MAP2K1: variants seen among roughly 807,000 people sequenced by gnomAD.
MAP2K1 encodes the protein mitogen-activated protein kinase kinase 1, also known as dual specificity mitogen-activated protein kinase kinase 1.
MAP2K1 carries 16 observed loss-of-function variants against 46.3 expected under a neutral mutation model. That is an observed-to-expected ratio of 0.35 (90% CI 0.23 to 0.52). The LOEUF (loss-of-function observed/expected upper bound fraction) is 0.52. Among genes scored for constraint, MAP2K1 ranks in the 20% least tolerant of loss-of-function variants. MAP2K1 has a pLI of 0.94. For missense variants in MAP2K1, 263 were observed against 497.1 expected (o/e 0.53, Z 4.48); for synonymous variants, 183 against 185.6 (o/e 0.99, Z 0.11).
At chr15:66,422,651 C>T (rs77939976) in intron 1 of MAP2K1, among the ~76,000 whole-genome samples, 2 of 152,090 alleles carry the variant, frequency 1.3e-5, no homozygotes, top group Non-Finnish European at 2.9e-5. Context: ...TTAAGGTTGA[C>T]TTTTTATCTC....
chr15:66,417,846 C>T (rs1310655276), intron 1 of MAP2K1, among the ~76,000 whole-genome samples: 1 of 152,144 alleles, frequency 6.6e-6, no homozygotes, highest in Non-Finnish European at 1.5e-5. Flanking sequence ...GAATTGGAGA[C>T]ATATTTTGAG....
At chr15:66,478,688 C>G (rs1365077048) in intron 5 of MAP2K1, among the ~76,000 whole-genome samples, 3 of 151,768 alleles carry the variant, frequency 2.0e-5, no homozygotes, top group Admixed American at 2.0e-4. Flanking sequence ...TTAGTAAAGA[C>G]AGGGTTTCAC....
intron 5 of MAP2K1, among the ~76,000 whole-genome samples, chr15:66,480,286 C>T (rs563299022): frequency 2.0e-5 from 3 of 152,030 alleles, no homozygotes; most frequent in South Asian, 2.1e-4. Flanking sequence ...ATGGGAGTTA[C>T]GCCATGTTGG....
At chr15:66,395,010 A>G (rs1330655022) in intron 1 of MAP2K1, among the ~76,000 whole-genome samples, 1 of 152,248 alleles carries the variant, frequency 6.6e-6, no homozygotes, top group African/African-American at 2.4e-5. Context: ...GTTTGAATAT[A>G]AACACTCACA....
intron 1 of MAP2K1, among the ~76,000 whole-genome samples, chr15:66,422,435 G>A (rs1415654327): frequency 6.6e-6 from 1 of 152,154 alleles, no homozygotes; most frequent in Non-Finnish European, 1.5e-5. Context: ...TTTCACAGTT[G>A]CTTGAACATT....
At chr15:66,418,003 TTGGACAAAA>T (rs2093428496) in intron 1 of MAP2K1, among the ~76,000 whole-genome samples, 1 of 152,078 alleles carries the variant, frequency 6.6e-6, no homozygotes, top group Non-Finnish European at 1.5e-5. Flanking sequence ...CAACAAAGAA[TTGGACAAAA>T]TGCACAAAGC....
intron 5 of MAP2K1, among the ~76,000 whole-genome samples, chr15:66,452,063 C>T (rs1008393831): frequency 1.2e-5 from 1 of 83,182 alleles, no homozygotes; most frequent in Non-Finnish European, 2.4e-5. Context: ...CGCATATTCT[C>T]ACTCATAGGT....
chr15:66,430,309 C>T (rs2093472095), intron 1 of MAP2K1, among the ~76,000 whole-genome samples: 1 of 152,162 alleles, frequency 6.6e-6, no homozygotes, highest in Non-Finnish European at 1.5e-5. Flanking sequence ...AGAACACCCA[C>T]CTGCACGGGG....
intron 3 of MAP2K1, among the ~76,000 whole-genome samples, chr15:66,439,916 CAA>C (rs1345239275): frequency 8.2e-6 from 1 of 121,748 alleles, no homozygotes; most frequent in Non-Finnish European, 1.7e-5. Context: ...GCCTGGGTGA[CAA>C]GAGCAAAACT....
At chr15:66,420,779 G>GTATA (rs1260059749) in intron 1 of MAP2K1, among the ~76,000 whole-genome samples, 5 of 54,838 alleles carry the variant, frequency 9.1e-5, no homozygotes, top group Admixed American at 4.9e-4. Flanking sequence ...ATATATATGT[G>GTATA]TATATATATG....
chr15:66,461,513 TAATA>T (rs373653308), intron 5 of MAP2K1, among the ~76,000 whole-genome samples: 1,931 of 142,698 alleles, frequency 0.014, 22 homozygotes, highest in Middle Eastern at 0.025. Context: ...AATAAATAAA[TAATA>T]AAATAATAAT....
intron 5 of MAP2K1, among the ~76,000 whole-genome samples, chr15:66,454,204 C>T (rs985112221): frequency 3.9e-5 from 6 of 152,140 alleles, no homozygotes; most frequent in Non-Finnish European, 7.4e-5. Flanking sequence ...TTGGCTAAAG[C>T]GGGTCATGTG....
intron 7 of MAP2K1, among the ~76,000 whole-genome samples, chr15:66,486,837 T>C (rs547528491): frequency 6.6e-6 from 1 of 152,320 alleles, no homozygotes; most frequent in South Asian, 2.1e-4. Context: ...CCAGTGACTC[T>C]AGGAGACAAA....
intron 5 of MAP2K1, among the ~76,000 whole-genome samples, chr15:66,473,623 CT>C (rs1355423120): frequency 6.6e-6 from 1 of 152,116 alleles, no homozygotes; most frequent in African/African-American, 2.4e-5. Context: ...TCTGTACCCC[CT>C]ATACCTTTTG....
At chr15:66,388,860 T>C (rs1391781726) in intron 1 of MAP2K1, among the ~76,000 whole-genome samples, 1 of 152,044 alleles carries the variant, frequency 6.6e-6, no homozygotes, top group Non-Finnish European at 1.5e-5. Flanking sequence ...AATACTGACT[T>C]GTATAGGTAG....
chr15:66,489,388 C>A, intron 9 of MAP2K1, 112 bp downstream of exon 9: 1 of 1,033,512 alleles, frequency 9.7e-7, no homozygotes, highest in Non-Finnish European at 1.5e-6. Flanking sequence ...GCCCTTTACC[C>A]TCCCGTCTGA....
chr15:66,459,275 C>T (rs909316214), intron 5 of MAP2K1, among the ~76,000 whole-genome samples: 6 of 135,112 alleles, frequency 4.4e-5, no homozygotes, highest in Admixed American at 8.1e-5. Context: ...ATCGCCACTG[C>T]ACTCCAGCTT....
At chr15:66,474,760 T>C (rs1892717804) in intron 5 of MAP2K1, among the ~76,000 whole-genome samples, 1 of 152,138 alleles carries the variant, frequency 6.6e-6, no homozygotes, top group Non-Finnish European at 1.5e-5. Context: ...CTCATCTGTG[T>C]GCAATGGTTT....
At chr15:66,418,773 C>G (rs1427530859) in intron 1 of MAP2K1, among the ~76,000 whole-genome samples, 1 of 151,792 alleles carries the variant, frequency 6.6e-6, no homozygotes, top group Admixed American at 6.6e-5. Flanking sequence ...CGCCATTCTC[C>G]TGCCTCAGCC....
Sources: allele counts gnomAD v4.1 joint callset (sites outside exome capture counted in the v4.1 genomes callset), GRCh38; gene constraint gnomAD v4.1.1; transcripts MANE v1.5; gene names NCBI Gene and HGNC (gene_info 2026-07-23, HGNC 2026-07-21).